Variants in DNM3 observed in about 807,000 individuals in gnomAD.
The protein encoded by DNM3 is dynamin 3.
DNM3 carries 47 observed loss-of-function variants against 101.6 expected under a neutral mutation model. That is an observed-to-expected ratio of 0.46 (90% CI 0.37 to 0.59). DNM3 has a LOEUF of 0.59. Ranked by LOEUF, DNM3 falls within the 20% of genes least tolerant of loss-of-function variation. DNM3 has a pLI of 0.00. For missense variants in DNM3, 849 were observed against 1,085.7 expected, an observed-to-expected ratio of 0.78 and a Z score of 3.06; for synonymous variants, 385 against 387.9, an observed-to-expected ratio of 0.99 and a Z score of 0.09.
intron 14 of DNM3, among the ~76,000 whole-genome samples, chr1:172,143,011 C>T (rs59665490): frequency 0.02 from 3,030 of 151,986 alleles, 115 homozygotes; most frequent in East Asian, 0.17. Flanking sequence ...GTGAAAGTAG[C>T]TAAATTTCTC....
chr1:172,112,388 A>G (rs965832093), intron 13 of DNM3, among the ~76,000 whole-genome samples: 1 of 152,114 alleles, frequency 6.6e-6, no homozygotes, highest in Non-Finnish European at 1.5e-5. Context: ...TGGGGCTCAC[A>G]ATTGTTTGCT....
In DNM3 at chr1:172,342,915, G is replaced by A. The variant is rs927757994; in HGVS notation, c.1893+19575G>A. 2.6e-5 allele frequency among the ~76,000 whole-genome samples: 4 copies of A among 151,944 alleles called. No individual in the cohort carries two copies. The East Asian group carries it at 5.8e-4, about 22-fold the overall frequency. ...CTTTTTTGAGGGATCCTAAGAGAGC[G>A]TTTTAGAATGGGGAATTCTTAAAGA... On this transcript the variant is annotated intron_variant, in intron 17 of 20. Coordinates refer to ENST00000627582, the MANE Select transcript of DNM3 (RefSeq NM_015569.5).
intron 10 of DNM3, among the ~76,000 whole-genome samples, chr1:172,057,762 A>C (rs1048087772): frequency 6.6e-5 from 10 of 151,912 alleles, no homozygotes; most frequent in African/African-American, 2.2e-4. Context: ...AAAGACCATC[A>C]AGACTGGGAA....
intron 1 of DNM3, among the ~76,000 whole-genome samples, chr1:171,856,388 GT>G (rs1295812013): frequency 1.3e-5 from 2 of 152,052 alleles, no homozygotes; most frequent in East Asian, 1.9e-4. Context: ...TTTTAAAATA[GT>G]TTTTTTCTAG....
intron 17 of DNM3, among the ~76,000 whole-genome samples, chr1:172,352,352 C>T (rs937630894): frequency 4.6e-5 from 7 of 151,550 alleles, no homozygotes; most frequent in Non-Finnish European, 8.8e-5. Flanking sequence ...GTAAAGTGAA[C>T]TTTTTTTTTC....
intron 13 of DNM3, among the ~76,000 whole-genome samples, chr1:172,128,782 T>A (rs1392778211): frequency 6.6e-6 from 1 of 152,148 alleles, no homozygotes; most frequent in Non-Finnish European, 1.5e-5. Context: ...CTAATCCCAC[T>A]CTCATTCACT....
chr1:172,092,227 G>C (rs527955404), intron 12 of DNM3, among the ~76,000 whole-genome samples: 1 of 152,228 alleles, frequency 6.6e-6, no homozygotes, highest in South Asian at 2.1e-4. Flanking sequence ...GATCTACATG[G>C]CAGATCCAAA....
At chr1:172,123,181 G>A (rs1183518068) in intron 13 of DNM3, among the ~76,000 whole-genome samples, 2 of 152,120 alleles carry the variant, frequency 1.3e-5, no homozygotes, top group African/African-American at 4.8e-5. Context: ...TGATTTTGTA[G>A]AGTCTTGTAG....
chr1:172,170,948 T>G (rs2058935441), intron 14 of DNM3, among the ~76,000 whole-genome samples: 1 of 151,844 alleles, frequency 6.6e-6, no homozygotes, highest in Admixed American at 6.6e-5. Flanking sequence ...TGAGGTGATA[T>G]TTCTATACTG....
intron 10 of DNM3, among the ~76,000 whole-genome samples, chr1:172,057,208 C>G (rs950493073): frequency 6.6e-6 from 1 of 152,182 alleles, no homozygotes; most frequent in Non-Finnish European, 1.5e-5. Context: ...AAGACCAAAT[C>G]TACATCTGAC....
chr1:172,315,910 A>T (rs191036956), intron 16 of DNM3, among the ~76,000 whole-genome samples: 1 of 152,174 alleles, frequency 6.6e-6, no homozygotes, highest in African/African-American at 2.4e-5. Context: ...ACTCCTCGAG[A>T]AGAGCAACTC....
At chr1:172,315,922 G>A (rs1415492356) in intron 16 of DNM3, among the ~76,000 whole-genome samples, 36 of 152,018 alleles carry the variant, frequency 2.4e-4, no homozygotes, top group East Asian at 5.8e-4. Flanking sequence ...GAGCAACTCC[G>A]AGACACATAA....
intron 3 of DNM3, 34 bp from the exon 4 acceptor site, chr1:171,988,911 G>T (rs1157126985): frequency 5.9e-6 from 9 of 1,515,048 alleles, no homozygotes; most frequent in Non-Finnish European, 8.1e-6. Context: ...AGCATTGAAG[G>T]TGTATGTAAG....
intron 12 of DNM3, among the ~76,000 whole-genome samples, chr1:172,091,664 T>A (rs1227122531): frequency 1.3e-5 from 2 of 151,654 alleles, no homozygotes; most frequent in Non-Finnish European, 2.9e-5. Context: ...GTAGTGGGGG[T>A]TGCTTGAGTA....
chr1:172,304,726 A>C (rs1371624170), intron 15 of DNM3, among the ~76,000 whole-genome samples: 3 of 152,246 alleles, frequency 2.0e-5, no homozygotes, highest in Non-Finnish European at 4.4e-5. Flanking sequence ...AGGATTAAGA[A>C]ACTCACTCAA....
intron 9 of DNM3, among the ~76,000 whole-genome samples, chr1:172,048,103 T>G (rs921899481): frequency 2.0e-5 from 3 of 152,220 alleles, no homozygotes; most frequent in Admixed American, 6.5e-5. Flanking sequence ...ATTTTGGTTA[T>G]CATTTGTTAT....
intron 19 of DNM3, 36 bp downstream of exon 19, chr1:172,387,395 C>A (rs1055331617): frequency 6.4e-7 from 1 of 1,550,766 alleles, no homozygotes; most frequent in African/African-American, 1.4e-5. Flanking sequence ...CGGTGGCTCG[C>A]TCCTGTAATC....
At position 172,183,181 on chromosome 1, in the gene DNM3, C is replaced by T. The variant is rs1415896502; in HGVS notation, c.1659+51893C>T. On this transcript the variant is annotated intron_variant, in intron 14 of 20. Coordinates refer to ENST00000627582, the MANE Select transcript of DNM3 (RefSeq NM_015569.5). ...TTAATACAGATATGCACATACAGCA[C>T]CATCTCTAGATCATGCCTGTTATTC... Among the ~76,000 whole-genome samples the T allele has an allele frequency of 2.6e-5, 4 of 152,170 alleles. No individual in the cohort carries two copies. The South Asian group carries it at 6.2e-4, about 24-fold the overall frequency.
intron 2 of DNM3, among the ~76,000 whole-genome samples, chr1:171,945,001 C>T (rs775811278): frequency 6.6e-6 from 1 of 150,532 alleles, no homozygotes; most frequent in Non-Finnish European, 1.5e-5. Context: ...GTAGCTGGAA[C>T]CATGGGAACA....
Sources: gnomAD v4.1 joint callset for allele counts (sites outside exome capture counted in the v4.1 genomes callset) on GRCh38, gnomAD v4.1.1 for gene constraint, MANE v1.5 for transcripts, NCBI Gene and HGNC (gene_info 2026-07-23, HGNC 2026-07-21) for gene names.